Variants in ATG7 observed in about 807,000 individuals in gnomAD.
The protein encoded by ATG7 is autophagy related 7, also known as ubiquitin-like modifier-activating enzyme ATG7.
Under a neutral mutation model 82.4 loss-of-function variants are expected in ATG7, and 70 were observed. That is an observed-to-expected ratio of 0.85 (90% CI 0.70 to 1.04). The LOEUF (loss-of-function observed/expected upper bound fraction) is 1.04, where lower values mean the gene tolerates loss of function less well. Among genes scored for constraint, ATG7 ranks in the 50% least tolerant of loss-of-function variants. ATG7 has a pLI of 0.00. For missense variants in ATG7, 792 were observed against 864.3 expected (o/e 0.92, Z 1.05); for synonymous variants, 287 against 313.0 (o/e 0.92, Z 0.88).
At chr3:11,499,201 T>C (rs759418481) in intron 20 of ATG7, among the ~76,000 whole-genome samples, 1 of 152,218 alleles carries the variant, frequency 6.6e-6, no homozygotes, top group Non-Finnish European at 1.5e-5. Flanking sequence ...TGTGCTCCTG[T>C]TGGGGACTAC....
intron 14 of ATG7, chr3:11,348,434 G>T: frequency 5.6e-6 from 1 of 177,586 alleles, no homozygotes; most frequent in Non-Finnish European, 1.2e-5. Context: ...TCTTGGTCTT[G>T]CTGACTTCAA....
intron 20 of ATG7, among the ~76,000 whole-genome samples, chr3:11,500,931 C>G (rs1255974777): frequency 6.6e-6 from 1 of 152,140 alleles, no homozygotes; most frequent in Admixed American, 6.5e-5. Context: ...ACCGCCCAAC[C>G]TAAGTTTTTG....
At chr3:11,274,801 A>G (rs1219049777) in intron 1 of ATG7, among the ~76,000 whole-genome samples, 1 of 152,012 alleles carries the variant, frequency 6.6e-6, no homozygotes, top group Non-Finnish European at 1.5e-5. Context: ...CTCACTTGAC[A>G]CTGGTAGATG....
rs993154850 is a variant in ATG7 at position 11,481,607 on chromosome 3, C to T, written c.2079+54681C>T. Among the ~76,000 whole-genome samples the T allele has an allele frequency of 6.6e-5, 10 of 152,300 alleles. No homozygotes were observed. In the East Asian group the frequency reaches 1.5e-3, roughly 24 times the overall value. The stretch of plus-strand genomic sequence containing the variant: ...TGCATCAGAAATAAGAGCAGGATCT[C>T]CTCTAATGAATTGTATAACCTTTCC... On this transcript the variant is annotated intron_variant, in intron 20 of 20. Transcript: ENST00000693202.
At chr3:11,558,310 G>A, downstream of ATG7, 2 of 617,604 alleles carry the variant, frequency 3.2e-6, no homozygotes, top group East Asian at 2.9e-5. Context: ...GAGGCAGGAA[G>A]TAAGGATGCT....
chr3:11,573,696 G>A, the ATG7 span, among the ~76,000 whole-genome samples: 22 of 152,302 alleles, frequency 1.4e-4, no homozygotes, highest in African/African-American at 4.6e-4. Flanking sequence ...AGTTACCAGC[G>A]CAGTTGAGCA....
intron 13 of ATG7, 148 bp downstream of exon 13, chr3:11,342,427 G>A: frequency 9.1e-7 from 1 of 1,104,154 alleles, no homozygotes; most frequent in Non-Finnish European, 1.3e-6. Context: ...CTTTTTAAGT[G>A]TAAAAGAAAT....
chr3:11,405,572 C>T (rs2080247472), intron 19 of ATG7, among the ~76,000 whole-genome samples: 1 of 152,118 alleles, frequency 6.6e-6, no homozygotes, highest in South Asian at 2.1e-4. Context: ...TTATCAAGCC[C>T]TATTTGGCAA....
At chr3:11,552,117 A>G (rs1270792267) in intron 20 of ATG7, among the ~76,000 whole-genome samples, 1 of 152,206 alleles carries the variant, frequency 6.6e-6, no homozygotes, top group Non-Finnish European at 1.5e-5. Context: ...GTTGTTGTCA[A>G]TTTTATATCT....
intron 20 of ATG7, among the ~76,000 whole-genome samples, chr3:11,469,754 G>A (rs2087237450): frequency 6.6e-6 from 1 of 151,948 alleles, no homozygotes; most frequent in African/African-American, 2.4e-5. Context: ...GGGAGGCTGA[G>A]GCGGGGTAGA....
At chr3:11,352,958 T>G (rs896277705) in intron 14 of ATG7, among the ~76,000 whole-genome samples, 1 of 152,194 alleles carries the variant, frequency 6.6e-6, no homozygotes, top group African/African-American at 2.4e-5. Context: ...AAGAACTGTG[T>G]TAAATGCAGA....
At chr3:11,504,369 G>A (rs2091561943) in intron 20 of ATG7, among the ~76,000 whole-genome samples, 1 of 152,176 alleles carries the variant, frequency 6.6e-6, no homozygotes, top group Non-Finnish European at 1.5e-5. Context: ...CAAAACATTT[G>A]TCTCCTAGTC....
chr3:11,484,231 C>G (rs2089351172), intron 20 of ATG7, among the ~76,000 whole-genome samples: 1 of 151,942 alleles, frequency 6.6e-6, no homozygotes, highest in Non-Finnish European at 1.5e-5. Context: ...CCGTGTCTAC[C>G]AAAAACACAA....
At chr3:11,278,055 T>A (rs1455771696) in intron 1 of ATG7, among the ~76,000 whole-genome samples, 1 of 152,134 alleles carries the variant, frequency 6.6e-6, no homozygotes, top group African/African-American at 2.4e-5. Context: ...CTGTAGGCAG[T>A]CAGACCTTAT....
intron 9 of ATG7, among the ~76,000 whole-genome samples, chr3:11,322,833 T>G (rs1379675257): frequency 6.6e-6 from 1 of 152,256 alleles, no homozygotes; most frequent in Non-Finnish European, 1.5e-5. Flanking sequence ...GCGTGGTGGC[T>G]CACGCCTGTA....
At chr3:11,345,319 G>A (rs966329122) in intron 13 of ATG7, among the ~76,000 whole-genome samples, 2 of 152,214 alleles carry the variant, frequency 1.3e-5, no homozygotes, top group Non-Finnish European at 2.9e-5. Context: ...TGAGGCAGGA[G>A]AATGGCGTGA....
At position 11,340,699 on chromosome 3, in the gene ATG7, G is replaced by C; in HGVS notation, c.944G>C (p.Arg315Thr). The change falls in exon 12 of 21, where the codon AGG (arginine) becomes ACG (threonine). Residue 315 changes from arginine (R) to threonine (T), a missense_variant. Transcript: ENST00000693202. ...AACCAGAAAGGAGGCATGGGACCAAGGATGGTGAACCTCAGTGAATGTATG... is the reference window on the plus strand; with the variant it reads ...AACCAGAAAGGAGGCATGGGACCAACGATGGTGAACCTCAGTGAATGTATG... The part of the protein sequence containing the change: ...EKNQKGGMGP[R>T]MVNLSECMDP... 2 of 1,613,862 alleles carry C rather than the reference G, an allele frequency of 1.2e-6. No individual in the cohort carries two copies. The highest frequency in any genetic ancestry group is 1.7e-6 in the Non-Finnish European group (2 of 1,179,860).
intron 20 of ATG7, among the ~76,000 whole-genome samples, chr3:11,529,087 G>A (rs1478805192): frequency 6.6e-6 from 1 of 151,966 alleles, no homozygotes; most frequent in East Asian, 1.9e-4. Context: ...ACATTCAGGT[G>A]ACAGTGGAAA....
chr3:11,279,726 CAAAA>C (rs1298656866), intron 1 of ATG7, among the ~76,000 whole-genome samples: 1 of 150,824 alleles, frequency 6.6e-6, no homozygotes, highest in Non-Finnish European at 1.5e-5. Context: ...AGCAAACAAA[CAAAA>C]AAACCCCACC....
Sources: gnomAD v4.1 joint callset for allele counts (sites outside exome capture counted in the v4.1 genomes callset) on GRCh38, gnomAD v4.1.1 for gene constraint, MANE v1.5 for transcripts, NCBI Gene and HGNC (gene_info 2026-07-23, HGNC 2026-07-21) for gene names.